The following CRKL variants were observed in gnomAD, a reference collection of about 807,000 sequenced individuals.
CRKL encodes CRK like proto-oncogene, adaptor protein.
Under a neutral mutation model 23.0 loss-of-function variants are expected in CRKL, and 3 were observed. The observed-to-expected ratio is 0.13, with a 90% CI of 0.06 to 0.34. The LOEUF (loss-of-function observed/expected upper bound fraction) is 0.34, where lower values mean the gene tolerates loss of function less well. CRKL is among the 10% of genes least tolerant of loss of function. The pLI is 1.00. For synonymous variants in CRKL, 188 were observed against 160.7 expected, an observed-to-expected ratio of 1.17 and a Z score of -1.28; for missense variants, 256 against 394.5, an observed-to-expected ratio of 0.65 and a Z score of 2.97.
intron 2 of CRKL, among the ~76,000 whole-genome samples, chr22:20,934,996 A>T (rs1470576355): frequency 6.6e-6 from 1 of 151,912 alleles, no homozygotes; most frequent in African/African-American, 2.4e-5. Context: ...TTGTATTTTC[A>T]GTAGAGACAG....
chr22:20,928,812 CAAAAAAAAAAA>C (rs57896414), intron 1 of CRKL, among the ~76,000 whole-genome samples: 13 of 81,576 alleles, frequency 1.6e-4, no homozygotes, highest in Admixed American at 7.9e-4. Context: ...GATCCCATCT[CAAAAAAAAAAA>C]AAAAAAAAAA....
chr22:20,944,549 C>A (rs150321850), intron 2 of CRKL, among the ~76,000 whole-genome samples: 4,519 of 151,814 alleles, frequency 0.03, 89 homozygotes, highest in Middle Eastern at 0.065. Context: ...GGACTACAGA[C>A]ATGCGCCACC....
At chr22:20,930,053 CA>C (rs1390583812) in intron 1 of CRKL, among the ~76,000 whole-genome samples, 7 of 152,024 alleles carry the variant, frequency 4.6e-5, no homozygotes, top group African/African-American at 1.7e-4. Context: ...GATTTGGTGT[CA>C]AATTTATGAA....
intron 1 of CRKL, among the ~76,000 whole-genome samples, chr22:20,926,169 G>T (rs1158354458): frequency 1.3e-5 from 2 of 152,300 alleles, no homozygotes; most frequent in African/African-American, 4.8e-5. Context: ...AATTAATGTA[G>T]ATGATGGGCA....
At chr22:20,942,385 G>C (rs1921912491) in intron 2 of CRKL, among the ~76,000 whole-genome samples, 2 of 152,096 alleles carry the variant, frequency 1.3e-5, no homozygotes, top group Admixed American at 1.3e-4. Flanking sequence ...CATCTGTACA[G>C]GAAATTATGA....
rs2147905579 is a variant in CRKL, at chr22:20,934,102, C to T, written c.635C>T (p.Thr212Ile). ...EPAHAYAQPQ[T>I]TTPLPAVSGS... is the part of the protein sequence containing the mutation. ...GCTCATGCATACGCTCAACCTCAGACCACAACTCCTCTACCTGCAGTTTCC... is the reference window on the plus strand; with the variant it reads ...GCTCATGCATACGCTCAACCTCAGATCACAACTCCTCTACCTGCAGTTTCC... Residue 212 changes from threonine (T) to isoleucine (I), a missense_variant, in exon 2 of 3, where the codon ACC becomes ATC. Physicochemically the swap from Thr to Ile is moderately conservative, Grantham distance 89. This residue lies in a region of CRKL where 129 missense variants were observed against 222.1 expected (regional missense o/e 0.58). Transcript: ENST00000354336. The T allele has an allele frequency of 6.2e-7, 1 of 1,614,222 alleles. No individual in the cohort carries two copies. The highest frequency in any genetic ancestry group is 1.7e-5 in the Admixed American group (1 of 60,028).
At chr22:20,942,073 T>TCGAG (rs972501667) in intron 2 of CRKL, among the ~76,000 whole-genome samples, 1 of 152,146 alleles carries the variant, frequency 6.6e-6, no homozygotes, top group Non-Finnish European at 1.5e-5. Flanking sequence ...TCATGACTGC[T>TCGAG]CCCACACTAA....
rs941894995 is a variant in CRKL, at chr22:20,952,873, T to C, written c.*3028T>C. On this transcript the variant is annotated 3_prime_UTR_variant, in exon 3 of 3. Transcript: ENST00000354336. ...ATGACATGGTTAACGAGGAAGACGA[T>C]GTGTTGACCGGCTGCCGTTTGAGGA... 8.6e-6 allele frequency: 2 copies of C among 231,406 alleles called. No homozygotes were observed. Among genetic ancestry groups the C allele is most frequent in the African/African-American group, 4.4e-5 (2 of 45,254 alleles). The allele number at this position is 231,406 out of a possible 1,614,324, so 14.3% of individuals were successfully genotyped here.
chr22:20,936,900 C>T (rs1159329143), intron 2 of CRKL, among the ~76,000 whole-genome samples: 1 of 150,618 alleles, frequency 6.6e-6, no homozygotes, highest in Non-Finnish European at 1.5e-5. Context: ...TCATTTGTTG[C>T]CCAAGCTGGA....
At chr22:20,920,180 A>C (rs937815474) in intron 1 of CRKL, among the ~76,000 whole-genome samples, 2 of 152,160 alleles carry the variant, frequency 1.3e-5, no homozygotes, top group African/African-American at 4.8e-5. Flanking sequence ...TGTTGAGGTC[A>C]TGAGTACTAA....
rs1922203717 is a variant in CRKL at position 20,949,948 on chromosome 22, G to A, written c.*103G>A. On this transcript the variant is annotated 3_prime_UTR_variant, in exon 3 of 3. Coordinates refer to ENST00000354336, the MANE Select transcript of CRKL (RefSeq NM_005207.4). ...CATAGGCAAGTCACACTGCATTGCC[G>A]AAGTCCAGCTTTCTGCAGACTGGCA... The A allele has an allele frequency of 1.6e-5, 23 of 1,442,096 alleles. No homozygotes were observed. In the South Asian group the frequency reaches 2.6e-4, roughly 16 times the overall value. 89.3% of individuals were successfully genotyped at this position (1,442,096 alleles called of 1,614,324 possible).
intron 1 of CRKL, among the ~76,000 whole-genome samples, chr22:20,927,192 ATTTTTTT>A (rs532930393): frequency 1.2e-5 from 1 of 81,970 alleles, no homozygotes; most frequent in African/African-American, 5.9e-5. Context: ...TTGGAATTGA[ATTTTTTT>A]TTTTTTTTTT....
intron 1 of CRKL, among the ~76,000 whole-genome samples, chr22:20,927,344 C>G (rs184652357): frequency 1.2e-3 from 184 of 149,004 alleles, no homozygotes; most frequent in South Asian, 3.2e-3. Context: ...GCGCCCACCA[C>G]CATGCCCGGC....
chr22:20,943,898 A>G (rs951211629), intron 2 of CRKL, among the ~76,000 whole-genome samples: 4 of 152,094 alleles, frequency 2.6e-5, no homozygotes, highest in African/African-American at 7.2e-5. Context: ...CCATTGTTCT[A>G]TATGTCTCTC....
chr22:20,923,979 G>T (rs1471049232), intron 1 of CRKL, among the ~76,000 whole-genome samples: 1 of 152,062 alleles, frequency 6.6e-6, no homozygotes, highest in Non-Finnish European at 1.5e-5. Context: ...TAGATCCCAG[G>T]AGTTTGAGAC....
chr22:20,946,713 C>A (rs1922067788), intron 2 of CRKL, among the ~76,000 whole-genome samples: 1 of 75,454 alleles, frequency 1.3e-5, no homozygotes, highest in African/African-American at 3.9e-5. Context: ...GTGTAGAGCA[C>A]CCCTCCCTCC....
At chr22:20,930,601 T>A (rs372239248) in intron 1 of CRKL, among the ~76,000 whole-genome samples, 85 of 151,056 alleles carry the variant, frequency 5.6e-4, no homozygotes, top group African/African-American at 1.9e-3. Flanking sequence ...AGGTTGGTCT[T>A]GAACTCCTGA....
At chr22:20,939,200 G>A (rs1272301347) in intron 2 of CRKL, among the ~76,000 whole-genome samples, 1 of 143,256 alleles carries the variant, frequency 7.0e-6, no homozygotes, top group Non-Finnish European at 1.5e-5. Context: ...AAACAAAGAT[G>A]TATTTCCTGT....
At chr22:20,929,259 G>T (rs1393811724) in intron 1 of CRKL, among the ~76,000 whole-genome samples, 1 of 151,882 alleles carries the variant, frequency 6.6e-6, no homozygotes, top group Non-Finnish European at 1.5e-5. Flanking sequence ...CTGCCTCCCG[G>T]GTTCACACCA....
Sources: allele counts gnomAD v4.1 joint callset (sites outside exome capture counted in the v4.1 genomes callset), GRCh38; gene constraint gnomAD v4.1.1; regional missense constraint gnomAD v4.1.1; transcripts MANE v1.5; gene names NCBI Gene and HGNC (gene_info 2026-07-23, HGNC 2026-07-21).